Variants in TINF2 observed in about 807,000 individuals in gnomAD.
TINF2 encodes TERF1-interacting nuclear factor 2.
TINF2 carries 27 observed loss-of-function variants against 50.4 expected under a neutral mutation model. The ratio of observed to expected loss-of-function variants is 0.54; its 90% CI spans 0.40 to 0.74. The LOEUF (loss-of-function observed/expected upper bound fraction) is 0.74, where lower values mean the gene tolerates loss of function less well. Among genes scored for constraint, TINF2 ranks in the 30% least tolerant of loss-of-function variants. The pLI is 0.00. For missense variants in TINF2, 496 were observed against 551.5 expected, an observed-to-expected ratio of 0.90 and a Z score of 1.01; for synonymous variants, 223 against 214.6, an observed-to-expected ratio of 1.04 and a Z score of -0.34.
At position 24,240,790 on chromosome 14, in the gene TINF2, G is replaced by C. The variant is rs764260132; in HGVS notation, c.690C>G (p.Pro230=). The change falls in exon 6 of 9, where the codon CCC becomes CCG. Residue 230 remains proline (P), a synonymous_variant. Coordinates refer to ENST00000267415, the MANE Select transcript of TINF2 (RefSeq NM_001099274.3). The part of the protein sequence containing the change: ...PQQQRLALHN[P]LPKAKPGTHL... Reference sequence around the variant, plus strand: ...GTGTGCCAGGCTTGGCTTTTGGCAGGGGATTGTGGAGTGCTAGTCTTTGTT... The same window carrying C: ...GTGTGCCAGGCTTGGCTTTTGGCAGCGGATTGTGGAGTGCTAGTCTTTGTT... 47 of 1,613,680 alleles carry C rather than the reference G, an allele frequency of 2.9e-5. No homozygotes were observed. The highest frequency in any genetic ancestry group is 5.0e-5 in the Admixed American group (3 of 59,950).
In TINF2 at chr14:24,240,100, G is replaced by A. The variant is rs751072503; in HGVS notation, c.1185C>T (p.Asp395=). The A allele has an allele frequency of 6.8e-6, 11 of 1,613,878 alleles. No individual in the cohort carries two copies. Among genetic ancestry groups the A allele is most frequent in the Non-Finnish European group, 9.3e-6 (11 of 1,180,010 alleles). Residue 395 remains aspartate, a synonymous_variant, in exon 8 of 9, where the codon GAC becomes GAT. Coordinates refer to ENST00000267415, the MANE Select transcript of TINF2 (RefSeq NM_001099274.3). ...SVITIGDLVL[D]SDEEENGQGE... ...CCTGGCCATTTTCTTCCTCATCAGA[G>A]TCTAAAACCAAGTCCCCTATGGTAA...
At position 24,241,299 on chromosome 14, in the gene TINF2, C is replaced by G; in HGVS notation, c.412G>C (p.Glu138Gln). ...GCAGCCAGAAAGGGTTCCCCATACTCTTGTTCAAGTTCCTACAGCAGGGGA... is the reference window on the plus strand; with the variant it reads ...GCAGCCAGAAAGGGTTCCCCATACTGTTGTTCAAGTTCCTACAGCAGGGGA... The part of the protein sequence containing the change: ...LASKLQELEQ[E>Q]YGEPFLAAME... The change falls in exon 4 of 9, where the codon GAG becomes CAG. Residue 138 changes from glutamate (E) to glutamine (Q), a missense_variant. Transcript: ENST00000267415. 6.2e-7 allele frequency: 1 copy of G among 1,613,840 alleles called. No homozygotes were observed. Among genetic ancestry groups the G allele is most frequent in the Non-Finnish European group, 8.5e-7 (1 of 1,180,038 alleles).
In TINF2 at chr14:24,240,308, C is replaced by G. The variant is rs371044766; in HGVS notation, c.1084G>C (p.Asp362His). The G allele has an allele frequency of 3.1e-6, 5 of 1,613,698 alleles. No individual in the cohort carries two copies. In the African/African-American group the frequency reaches 6.7e-5, roughly 22 times the overall value. The part of the protein sequence containing the change: ...QKENCLDCYM[D>H]PLRLSLLPPR... ...GGTAATAATGATAGTCTCAGGGGGT[C>G]CATGTAGCAATCCAAGCAATTCCTG... The change falls in exon 7 of 9, where the codon GAC becomes CAC. Residue 362 changes from aspartate to histidine, a missense_variant. This residue lies in a region of TINF2 where 179 missense variants were observed against 188.3 expected (regional missense o/e 0.95). Transcript: ENST00000267415.
chr14:24,239,892 A>G lies in TINF2; in HGVS notation c.1261T>C (p.Leu421=). 1 of 1,614,216 alleles carries G rather than the reference A, an allele frequency of 6.2e-7. No homozygotes were observed. Residue 421 remains leucine (L), a synonymous_variant, in exon 9 of 9, where the codon TTG becomes CTG. Coordinates refer to ENST00000267415, the MANE Select transcript of TINF2 (RefSeq NM_001099274.3). The part of the protein sequence containing the change: ...ENYQKTKFDT[L]IPTLCEYLPP... ...AGGTATTCACAGAGAGTGGGTATCA[A>G]GGTGTCAAACTTTGTCTTCTGATAG...
chr14:24,240,911 A>G, intron 5 of TINF2, 36 bp from the exon 6 acceptor site: 3 of 1,614,142 alleles, frequency 1.9e-6, no homozygotes, highest in Non-Finnish European at 2.5e-6. Context: ...TAAAGAGAAC[A>G]GATAGTAACA....
chr14:24,239,746 T>G lies in TINF2; in HGVS notation c.*51A>C. The stretch of plus-strand genomic sequence containing the variant: ...TCCACTTCATTCCTACTAAACTACT[T>G]GCAGAGCTGAGGAGGCAGGAGACTA... On this transcript the variant is annotated 3_prime_UTR_variant, in exon 9 of 9. Transcript: ENST00000267415. 2 of 1,614,062 alleles carry G rather than the reference T, an allele frequency of 1.2e-6. No homozygotes were observed. The highest frequency in any genetic ancestry group is 1.7e-6 in the Non-Finnish European group (2 of 1,179,996).
Position 24,242,356 on chromosome 14 carries a change from C to T in TINF2, c.-24G>A, listed in dbSNP as rs1463848896. On this transcript the variant is annotated 5_prime_UTR_variant, in exon 1 of 9. Coordinates refer to ENST00000267415, the MANE Select transcript of TINF2 (RefSeq NM_001099274.3). Reference sequence around the variant, plus strand: ...ATGGTCGGCGGGCTCCGCCCGGAGGCGGTCCCTCCGGGTTCCTCACCCGGA... The same window carrying T: ...ATGGTCGGCGGGCTCCGCCCGGAGGTGGTCCCTCCGGGTTCCTCACCCGGA... 1.2e-6 allele frequency: 2 copies of T among 1,605,802 alleles called. No individual in the cohort carries two copies. Among genetic ancestry groups the T allele is most frequent in the Non-Finnish European group, 1.7e-6 (2 of 1,177,194 alleles).
rs1445232401 is a variant in TINF2 at position 24,240,153 on chromosome 14, A to G, written c.1132T>C (p.Cys378Arg). The G allele has an allele frequency of 1.5e-5, 25 of 1,613,996 alleles. No individual in the cohort carries two copies. The highest frequency in any genetic ancestry group is 5.5e-5 in the South Asian group (5 of 91,080). ...ACGGAGCTGCACAGAGACGGAGGAC[A>G]CACTGTAGGAGGGAAACCAGAATCA... The part of the protein sequence containing the change: ...LLPPRARKPV[C>R]PPSLCSSVIT... Residue 378 changes from cysteine to arginine, a missense_variant and splice_region_variant, in exon 8 of 9, where the codon TGT becomes CGT. By Grantham distance (180) the Cys-to-Arg change is radical. Coordinates refer to ENST00000267415, the MANE Select transcript of TINF2 (RefSeq NM_001099274.3).
rs1566365405 is a variant in TINF2, at chr14:24,239,863, G to GGGTA, written c.1286_1289dup (p.Pro431ThrfsTer14). 15 of 1,614,198 alleles carry GGGTA rather than the reference G, an allele frequency of 9.3e-6. No homozygotes were observed. Among genetic ancestry groups the GGGTA allele is most frequent in the Non-Finnish European group, 1.3e-5 (15 of 1,180,028 alleles). On this transcript the variant is annotated frameshift_variant, in exon 9 of 9. Transcript: ENST00000267415. LOFTEE classifies it low-confidence loss of function (END_TRUNC). ...CAGGTATGGCACCGTGGCCAGAAGGGGGTAGGTATTCACAGAGAGTGGGTA... is the reference window on the plus strand; with the variant it reads ...CAGGTATGGCACCGTGGCCAGAAGGGGGTAGGTAGGTATTCACAGAGAGTGGGTA...
rs1418584277 is a variant in TINF2 at position 24,242,227 on chromosome 14, C to T, written c.106G>A (p.Glu36Lys). Reference sequence around the variant, plus strand: ...ACAGCGCGCAGAGATCGCAGAAACTCCAGTACTCGCGGAAAATGTTCCACG... The same window carrying T: ...ACAGCGCGCAGAGATCGCAGAAACTTCAGTACTCGCGGAAAATGTTCCACG... Reference protein sequence around the residue: ...RCVEHFPRVLEFLRSLRAVAP... With the variant: ...RCVEHFPRVLKFLRSLRAVAP... Residue 36 changes from glutamate (E) to lysine (K), a missense_variant, in exon 1 of 9, where the codon GAG becomes AAG. Glu to Lys is a moderately conservative substitution (Grantham distance 56). This residue lies in a region of TINF2 where 314 missense variants were observed against 343.8 expected (regional missense o/e 0.91). Coordinates refer to ENST00000267415, the MANE Select transcript of TINF2 (RefSeq NM_001099274.3). The T allele has an allele frequency of 2.5e-6, 4 of 1,614,148 alleles. No homozygotes were observed. In the South Asian group the frequency reaches 3.3e-5, roughly 13 times the overall value.
rs1184256281 is a variant in TINF2, at chr14:24,239,840, G to A, written c.1313C>T (p.Pro438Leu). ...YLPPSGHGAI[P>L]VSSCDCRDSS... ...GTCTCTACAGTCACAGGAAGAAACA[G>A]GTATGGCACCGTGGCCAGAAGGGGG... The change falls in exon 9 of 9, where the codon CCT becomes CTT. Residue 438 changes from proline to leucine, a missense_variant. Transcript: ENST00000267415. The A allele has an allele frequency of 1.6e-5, 26 of 1,614,048 alleles. No homozygotes were observed. The highest frequency in any genetic ancestry group is 2.1e-5 in the Non-Finnish European group (25 of 1,180,032).
In TINF2 at chr14:24,242,576, G is replaced by A; in HGVS notation, c.-244C>T. 1 of 1,380,438 alleles carries A rather than the reference G, an allele frequency of 7.2e-7. No homozygotes were observed. The highest frequency in any genetic ancestry group is 9.4e-7 in the Non-Finnish European group (1 of 1,068,292). The allele number at this position is 1,380,438 out of a possible 1,614,324, so 85.5% of individuals were successfully genotyped here. A position where few individuals can be genotyped will look rare whatever the true frequency, so the allele number is the denominator to read the frequency against. Reference sequence around the variant, plus strand: ...AGCTGACCGTCTCCAGTGGCACTGGGTCGCTCAGCTTTAAACGTCGCCGCT... The same window carrying A: ...AGCTGACCGTCTCCAGTGGCACTGGATCGCTCAGCTTTAAACGTCGCCGCT... On this transcript the variant is annotated 5_prime_UTR_variant, in exon 1 of 9. Transcript: ENST00000267415.
Position 24,240,185 on chromosome 14 carries a change from T to A in TINF2, c.1130-30A>T, listed in dbSNP as rs1258578655. 1.5e-5 allele frequency: 24 copies of A among 1,614,000 alleles called. No individual in the cohort carries two copies. The East Asian group carries it at 5.1e-4, about 34-fold the overall frequency. On this transcript the variant is annotated intron_variant, in intron 7 of 8. Transcript: ENST00000267415. ...AGGAGGGAAACCAGAATCAAACTAC[T>A]ACTTCTAGATGAACACAGGCTCTTG...
At chr14:24,241,146 A>G (rs769109862) in intron 4 of TINF2, 30 bp from the exon 5 acceptor site, 14 of 1,614,030 alleles carry the variant, frequency 8.7e-6, no homozygotes. Context: ...TATGAAGACC[A>G]CAATCCTTGA....
chr14:24,240,334 A>G lies in TINF2; in HGVS notation c.1062-4T>C. 6.2e-7 allele frequency: 1 copy of G among 1,614,038 alleles called. No individual in the cohort carries two copies. The highest frequency in any genetic ancestry group is 8.5e-7 in the Non-Finnish European group (1 of 1,180,024). On this transcript the variant is annotated splice_polypyrimidine_tract_variant and splice_region_variant and intron_variant, in intron 6 of 8. Transcript: ENST00000267415. ...CATGTAGCAATCCAAGCAATTCCTG[A>G]GGTGAGAGCAAGCAAAGAGGATAGG...
intron 3 of TINF2, 178 bp from the exon 4 acceptor site, chr14:24,241,489 C>G (rs1175200684): frequency 1.2e-6 from 1 of 800,080 alleles, no homozygotes; most frequent in African/African-American, 1.7e-5. Context: ...ATTAGCTGGG[C>G]ATTTGTAATC....
At position 24,241,613 on chromosome 14, in the gene TINF2, C is replaced by CAAAAAAA. The variant is rs5807249; in HGVS notation, c.399+55_399+61dup. ...GCCTGGGCGACAGAGCAAGATTCCTCAAAAAAAAAAAAAAATGGGTTAGAG... is the reference window on the plus strand; with the variant it reads ...GCCTGGGCGACAGAGCAAGATTCCTCAAAAAAAAAAAAAAAAAAAAAATGGGTTAGAG... On this transcript the variant is annotated intron_variant, in intron 3 of 8. Transcript: ENST00000267415. 3.1e-4 allele frequency: 404 copies of CAAAAAAA among 1,293,418 alleles called. 1 individual carries two copies. The African/African-American group carries it at 5.1e-3, about 16-fold the overall frequency. The allele number at this position is 1,293,418 out of a possible 1,614,324, so 80.1% of individuals were successfully genotyped here.
In TINF2 at chr14:24,240,864, T is replaced by C. The variant is rs2040561809; in HGVS notation, c.616A>G (p.Thr206Ala). 1.9e-6 allele frequency: 3 copies of C among 1,613,852 alleles called. No homozygotes were observed. Among genetic ancestry groups the C allele is most frequent in the Non-Finnish European group, 2.5e-6 (3 of 1,180,038 alleles). ...GGCTCAGCCAGGTTCACTGAGTCAG[T>C]AACAGAGCACTCTGAAAAAGAAAAT... ...MGWLLPECSV[T>A]DSVNLAEPME... The change falls in exon 6 of 9, where the codon ACT becomes GCT. Residue 206 changes from threonine (T) to alanine (A), a missense_variant. By Grantham distance (58) the Thr-to-Ala change is moderately conservative (BLOSUM62 0). Around this residue, in one of 3 missense-constraint regions of TINF2, gnomAD observed 314 missense variants for 343.8 expected, o/e 0.91. Coordinates refer to ENST00000267415, the MANE Select transcript of TINF2 (RefSeq NM_001099274.3).
At position 24,240,537 on chromosome 14, in the gene TINF2, C is replaced by T; in HGVS notation, c.943G>A (p.Asp315Asn). The change falls in exon 6 of 9, where the codon GAC (aspartate) becomes AAC (asparagine). Residue 315 changes from aspartate to asparagine, a missense_variant. By Grantham distance (23) the Asp-to-Asn change is conservative. Coordinates refer to ENST00000267415, the MANE Select transcript of TINF2 (RefSeq NM_001099274.3). ...SKEEHAIYTA[D>N]LAMGTRAAST... ...GCTGCTCTTGTGCCCATGGCTAGGT[C>T]TGCTGTGTATATCGCATGTTCTTCC... is the stretch of plus-strand genomic sequence containing the variant. 6.2e-7 allele frequency: 1 copy of T among 1,614,192 alleles called. No individual in the cohort carries two copies.
Sources: gnomAD v4.1 joint callset for allele counts on GRCh38, gnomAD v4.1.1 for gene constraint, gnomAD v4.1.1 regional missense constraint, MANE v1.5 for transcripts, NCBI Gene and HGNC (gene_info 2026-07-23, HGNC 2026-07-21) for gene names.